The following ROR2 variants were observed in gnomAD, a reference collection of about 807,000 sequenced individuals.
The protein encoded by ROR2 is ROR family WNT receptor 2.
In ROR2, 33 loss-of-function variants were observed where a neutral mutation model predicts 74.9. The observed-to-expected ratio is 0.44, with a 90% CI of 0.33 to 0.59. The LOEUF is 0.59. Ranked by LOEUF, ROR2 falls within the 20% of genes least tolerant of loss-of-function variation. ROR2 has a pLI of 0.02. For synonymous variants in ROR2, 586 were observed against 558.7 expected (o/e 1.05, Z -0.69); for missense variants, 1,216 against 1,313.8 (o/e 0.93, Z 1.15).
chr9:91,918,561 A>G (rs1831193167), intron 1 of ROR2, among the ~76,000 whole-genome samples: 1 of 152,236 alleles, frequency 6.6e-6, no homozygotes, highest in Non-Finnish European at 1.5e-5. Context: ...ACGGGCTTAA[A>G]GAGAGGCAGT....
chr9:91,815,442 T>C (rs1439198217), intron 1 of ROR2, among the ~76,000 whole-genome samples: 1 of 151,506 alleles, frequency 6.6e-6, no homozygotes, highest in African/African-American at 2.4e-5. Flanking sequence ...AATACATGGG[T>C]CAAAAAAAAA....
intron 1 of ROR2, among the ~76,000 whole-genome samples, chr9:91,936,886 C>A (rs1006611580): frequency 6.6e-6 from 1 of 150,604 alleles, no homozygotes; most frequent in East Asian, 1.9e-4. Context: ...AAAAATTAGC[C>A]GGGCGTAGTG....
chr9:91,872,310 G>A (rs905468762), intron 1 of ROR2, among the ~76,000 whole-genome samples: 1 of 152,132 alleles, frequency 6.6e-6, no homozygotes, highest in Admixed American at 6.5e-5. Context: ...CTCTCAGGCT[G>A]GCACCGTTCG....
At chr9:91,937,826 G>A (rs1831742770) in intron 1 of ROR2, among the ~76,000 whole-genome samples, 1 of 152,090 alleles carries the variant, frequency 6.6e-6, no homozygotes. Flanking sequence ...TGATCCTCCT[G>A]TCTTAACCTC....
chr9:91,819,852 T>C (rs1828085950), intron 1 of ROR2, among the ~76,000 whole-genome samples: 1 of 152,090 alleles, frequency 6.6e-6, no homozygotes, highest in Non-Finnish European at 1.5e-5. Flanking sequence ...TCTAAGTGTG[T>C]TCTCTGTGTA....
intron 1 of ROR2, among the ~76,000 whole-genome samples, chr9:91,869,625 T>C (rs924960646): frequency 6.6e-6 from 1 of 151,912 alleles, no homozygotes; most frequent in Non-Finnish European, 1.5e-5. Context: ...AAAGCTACTA[T>C]AGGGACAGAA....
chr9:91,760,636 A>G (rs1256560399), intron 2 of ROR2, among the ~76,000 whole-genome samples: 1 of 150,804 alleles, frequency 6.6e-6, no homozygotes, highest in Non-Finnish European at 1.5e-5. Context: ...TCTGTCTCAA[A>G]AAAAAAAAAA....
Position 91,884,677 on chromosome 9 carries a change from G to A in ROR2, c.97+65190C>T, listed in dbSNP as rs148650354. ...CTCTCTTGGATTTTTGGCTGGAACT[G>A]GAGCTAACACATCCTGCGGGCTGTC... is the stretch of plus-strand genomic sequence containing the variant. On this transcript the variant is annotated intron_variant, in intron 1 of 8. Transcript: ENST00000375708. Among the ~76,000 whole-genome samples the A allele has an allele frequency of 6.2e-3, 943 of 152,108 alleles. 9 individuals carry two copies. The highest frequency in any genetic ancestry group is 0.021 in the African/African-American group (883 of 41,470).
intron 1 of ROR2, among the ~76,000 whole-genome samples, chr9:91,940,665 GCTCA>G: frequency 6.8e-6 from 1 of 147,464 alleles, no homozygotes. Context: ...CTCGATCTCC[GCTCA>G]CTGTGACCTC....
chr9:91,814,833 T>C (rs1451702195), intron 1 of ROR2, among the ~76,000 whole-genome samples: 1 of 152,202 alleles, frequency 6.6e-6, no homozygotes, highest in Non-Finnish European at 1.5e-5. Flanking sequence ...GGCTGGACGA[T>C]GGGCCCATGG....
At chr9:91,839,071 G>A (rs566790309) in intron 1 of ROR2, among the ~76,000 whole-genome samples, 4 of 152,262 alleles carry the variant, frequency 2.6e-5, no homozygotes, top group Admixed American at 6.5e-5. Flanking sequence ...AAGGCCCTCC[G>A]CACTGGCTAC....
intron 1 of ROR2, among the ~76,000 whole-genome samples, chr9:91,880,204 G>A (rs1467341680): frequency 6.6e-6 from 1 of 152,126 alleles, no homozygotes; most frequent in Non-Finnish European, 1.5e-5. Flanking sequence ...ATGACCATGT[G>A]AAGACACAGG....
In ROR2 at chr9:91,725,031, T is replaced by C; in HGVS notation, c.1463A>G (p.Tyr488Cys). ...ELGEDRFGKV[Y>C]KGHLFGPAPG... ...GGCAGGGCCGAACAGGTGACCTTTG[T>C]AGACTTTCCCAAACCGGTCCTCTCC... Residue 488 changes from tyrosine to cysteine, a missense_variant, in exon 9 of 9, where the codon TAC becomes TGC. Coordinates refer to ENST00000375708, the MANE Select transcript of ROR2 (RefSeq NM_004560.4). 6.2e-7 allele frequency: 1 copy of C among 1,614,030 alleles called. No homozygotes were observed. The highest frequency in any genetic ancestry group is 8.5e-7 in the Non-Finnish European group (1 of 1,180,042).
rs918287126 is a variant in ROR2, at chr9:91,950,042, G to T, written c.-79C>A. ...GTCGGGCGCCACCACCCCTTTCTAC[G>T]ATGCGTCCGCTCCTCCTTCTCCCTG... is the stretch of plus-strand genomic sequence containing the variant. On this transcript the variant is annotated 5_prime_UTR_variant, in exon 1 of 9. Transcript: ENST00000375708. 6.4e-6 allele frequency: 4 copies of T among 627,082 alleles called. No homozygotes were observed. The highest frequency in any genetic ancestry group is 9.8e-6 in the Non-Finnish European group (4 of 408,200). 38.8% of individuals were successfully genotyped at this position (627,082 alleles called of 1,614,324 possible).
intron 1 of ROR2, among the ~76,000 whole-genome samples, chr9:91,881,483 T>C (rs936024165): frequency 2.6e-5 from 4 of 152,248 alleles, no homozygotes; most frequent in Non-Finnish European, 5.9e-5. Flanking sequence ...AGTTTTGTTA[T>C]ACAGTATGTC....
At chr9:91,810,400 G>A (rs576492982) in intron 1 of ROR2, among the ~76,000 whole-genome samples, 12 of 152,114 alleles carry the variant, frequency 7.9e-5, no homozygotes, top group South Asian at 2.1e-4. Flanking sequence ...AAGCACCTGC[G>A]GGATTGACGG....
intron 1 of ROR2, among the ~76,000 whole-genome samples, chr9:91,782,386 G>C (rs1016337491): frequency 1.3e-5 from 2 of 151,766 alleles, no homozygotes; most frequent in African/African-American, 4.8e-5. Flanking sequence ...ATTAAAGGGA[G>C]GGATGTAAAA....
chr9:91,726,994 T>C (rs1363957568), intron 7 of ROR2, among the ~76,000 whole-genome samples: 2 of 152,122 alleles, frequency 1.3e-5, no homozygotes, highest in African/African-American at 2.4e-5. Context: ...GAATATGCAG[T>C]ATAAAAAGTA....
intron 1 of ROR2, among the ~76,000 whole-genome samples, chr9:91,807,332 G>A (rs1827601545): frequency 6.6e-6 from 1 of 152,174 alleles, no homozygotes; most frequent in Non-Finnish European, 1.5e-5. Flanking sequence ...GTGCTGGGAG[G>A]GTGGGGCACC....
Sources: allele counts gnomAD v4.1 joint callset (sites outside exome capture counted in the v4.1 genomes callset), GRCh38; gene constraint gnomAD v4.1.1; transcripts MANE v1.5; gene names NCBI Gene and HGNC (gene_info 2026-07-23, HGNC 2026-07-21).